The following PTPN12 variants were observed in gnomAD, a reference collection of about 807,000 sequenced individuals.
The protein encoded by PTPN12 is tyrosine-protein phosphatase non-receptor type 12.
A neutral mutation model predicts 97.6 loss-of-function variants in PTPN12; 29 were observed. The ratio of observed to expected loss-of-function variants is 0.30; its 90% CI spans 0.22 to 0.41. PTPN12 has a LOEUF of 0.41. Among genes scored for constraint, PTPN12 ranks in the 10% least tolerant of loss-of-function variants. PTPN12 has a pLI of 1.00. For missense variants in PTPN12, 819 were observed against 926.0 expected, an observed-to-expected ratio of 0.88 and a Z score of 1.50; for synonymous variants, 327 against 300.4, an observed-to-expected ratio of 1.09 and a Z score of -0.91.
intron 6 of PTPN12, among the ~76,000 whole-genome samples, chr7:77,596,478 T>C (rs1298208801): frequency 1.3e-5 from 2 of 152,214 alleles, no homozygotes; most frequent in African/African-American, 2.4e-5. Flanking sequence ...TGATCGCAGC[T>C]CACTATATAG....
At chr7:77,636,443 G>A (rs926399395) in intron 15 of PTPN12, among the ~76,000 whole-genome samples, 12 of 152,052 alleles carry the variant, frequency 7.9e-5, no homozygotes, top group South Asian at 4.2e-4. Context: ...TTAGCCAGGC[G>A]TGGTGGCGCA....
At chr7:77,595,512 A>G (rs1787997066) in intron 6 of PTPN12, among the ~76,000 whole-genome samples, 3 of 152,138 alleles carry the variant, frequency 2.0e-5, no homozygotes. Context: ...TCAGCACACT[A>G]CCCATGGCTC....
intron 1 of PTPN12, chr7:77,563,861 T>G (rs1035157191): frequency 2.8e-5 from 10 of 352,108 alleles, no homozygotes; most frequent in Middle Eastern, 3.8e-4. Flanking sequence ...GTTGTATAGT[T>G]GAAAGACCCT....
intron 3 of PTPN12, 107 bp downstream of exon 3, chr7:77,581,610 G>T (rs372905946): frequency 7.8e-5 from 41 of 527,042 alleles, no homozygotes; most frequent in South Asian, 5.9e-4. Context: ...AACAGCAAAA[G>T]AAATAAAAAT....
At chr7:77,586,070 T>C (rs1787680764) in intron 5 of PTPN12, among the ~76,000 whole-genome samples, 1 of 152,066 alleles carries the variant, frequency 6.6e-6, no homozygotes, top group Non-Finnish European at 1.5e-5. Flanking sequence ...TCTCCTGCCT[T>C]AGCCTTCTGA....
At chr7:77,632,760 C>T (rs1179342412) in intron 14 of PTPN12, among the ~76,000 whole-genome samples, 2 of 151,782 alleles carry the variant, frequency 1.3e-5, no homozygotes, top group East Asian at 1.9e-4. Flanking sequence ...AGTTGGAGAC[C>T]AGCCTGGCCA....
At chr7:77,564,434 G>A (rs1297338923) in intron 1 of PTPN12, among the ~76,000 whole-genome samples, 1 of 151,982 alleles carries the variant, frequency 6.6e-6, no homozygotes, top group African/African-American at 2.4e-5. Context: ...AAAGCCAGAT[G>A]AATTTATTTA....
intron 1 of PTPN12, chr7:77,563,871 T>G (rs1808106593): frequency 2.7e-6 from 1 of 373,548 alleles, no homozygotes; most frequent in Admixed American, 3.2e-5. Flanking sequence ...TGAAAGACCC[T>G]TTGGTTATTT....
At chr7:77,579,011 C>A (rs1787424528) in intron 2 of PTPN12, among the ~76,000 whole-genome samples, 1 of 152,050 alleles carries the variant, frequency 6.6e-6, no homozygotes, top group Non-Finnish European at 1.5e-5. Context: ...GAGAAGGACA[C>A]AATATCGTTC....
chr7:77,626,597 G>T, intron 12 of PTPN12, 108 bp from the exon 13 acceptor site: 1 of 1,225,320 alleles, frequency 8.2e-7, no homozygotes, highest in South Asian at 1.8e-5. Context: ...GTTTTTATTC[G>T]CAACCAGATT....
chr7:77,618,550 C>A lies in PTPN12; in HGVS notation c.1010C>A (p.Pro337Gln). The A allele has an allele frequency of 6.2e-7, 1 of 1,603,258 alleles. No homozygotes were observed. The highest frequency in any genetic ancestry group is 1.1e-5 in the South Asian group (1 of 90,550). ...PEKQDSPPPK[P>Q]PRTRSCLVEG... Reference sequence around the variant, plus strand: ...AAACAAGATTCTCCTCCTCCAAAACCACCAAGGACCCGCAGGTATTGTATG... The same window carrying A: ...AAACAAGATTCTCCTCCTCCAAAACAACCAAGGACCCGCAGGTATTGTATG... Residue 337 changes from proline to glutamine, a missense_variant, in exon 12 of 18, where the codon CCA becomes CAA. Physicochemically the swap from Pro to Gln is moderately conservative, Grantham distance 76 (BLOSUM62 -1). Transcript: ENST00000248594.
chr7:77,537,427 T>A lies in PTPN12; in HGVS notation c.-120T>A. ...GGGAGGAGGAGGGAGCCGCGGGGCT[T>A]GGCGGGGTCGGGAGGGAGGGACGTG... On this transcript the variant is annotated 5_prime_UTR_variant, in exon 1 of 18. Transcript: ENST00000248594. 2.7e-6 allele frequency: 3 copies of A among 1,119,500 alleles called. No homozygotes were observed. The highest frequency in any genetic ancestry group is 3.3e-6 in the Non-Finnish European group (3 of 914,542). The allele number at this position is 1,119,500 out of a possible 1,614,324, so 69.3% of individuals were successfully genotyped here.
At chr7:77,604,792 C>CAT (rs571804050) in intron 8 of PTPN12, 1,203 of 285,356 alleles carry the variant, frequency 4.2e-3, no homozygotes, top group Middle Eastern at 8.1e-3. Flanking sequence ...ATGTTTATAT[C>CAT]ATATATATAT....
At position 77,627,623 on chromosome 7, in the gene PTPN12, G is replaced by A; in HGVS notation, c.1944G>A (p.Met648Ile). 1 of 1,610,262 alleles carries A rather than the reference G, an allele frequency of 6.2e-7. No individual in the cohort carries two copies. Among genetic ancestry groups the A allele is most frequent in the Non-Finnish European group, 8.5e-7 (1 of 1,178,598 alleles). Residue 648 changes from methionine (M) to isoleucine (I), a missense_variant, in exon 13 of 18, where the codon ATG becomes ATA. By Grantham distance (10) the Met-to-Ile change is conservative (BLOSUM62 1). Transcript: ENST00000248594. Reference protein sequence around the residue: ...ESISTRKVLPMSIARHNIAGT... With the variant: ...ESISTRKVLPISIARHNIAGT... ...TTTCTACTAGGAAAGTATTGCCAAT[G>A]TCCATTGCTAGACATAATATAGCAG... is the stretch of plus-strand genomic sequence containing the variant.
intron 12 of PTPN12, among the ~76,000 whole-genome samples, chr7:77,625,903 A>G (rs1275311232): frequency 6.6e-6 from 1 of 152,074 alleles, no homozygotes; most frequent in Non-Finnish European, 1.5e-5. Flanking sequence ...AAAGGCAACT[A>G]GAGGGTATAA....
At chr7:77,596,754 A>G (rs966539631) in intron 6 of PTPN12, among the ~76,000 whole-genome samples, 3 of 152,260 alleles carry the variant, frequency 2.0e-5, no homozygotes, top group Non-Finnish European at 4.4e-5. Context: ...TTTACAGCAA[A>G]ATTGAGAGGA....
At chr7:77,570,487 T>C (rs1298318886) in intron 1 of PTPN12, among the ~76,000 whole-genome samples, 1 of 152,236 alleles carries the variant, frequency 6.6e-6, no homozygotes, top group Non-Finnish European at 1.5e-5. Context: ...CGCAGAAATA[T>C]TCCAGCCCAA....
intron 1 of PTPN12, among the ~76,000 whole-genome samples, chr7:77,549,160 A>G (rs1013751596): frequency 1.3e-5 from 2 of 152,176 alleles, no homozygotes; most frequent in African/African-American, 4.8e-5. Context: ...GCTTATTCAT[A>G]TGTGTATGGA....
chr7:77,618,057 C>CATTTTT (rs769484372), intron 11 of PTPN12, among the ~76,000 whole-genome samples: 4 of 151,876 alleles, frequency 2.6e-5, no homozygotes, highest in Non-Finnish European at 5.9e-5. Flanking sequence ...AATGGGGAGT[C>CATTTTT]ATAAAAAGAT....
Sources: allele counts gnomAD v4.1 joint callset (sites outside exome capture counted in the v4.1 genomes callset), GRCh38; gene constraint gnomAD v4.1.1; transcripts MANE v1.5; gene names NCBI Gene and HGNC (gene_info 2026-07-23, HGNC 2026-07-21).